GRIN2B: variants seen among roughly 807,000 people sequenced by gnomAD.
GRIN2B encodes the protein glutamate ionotropic receptor NMDA type subunit 2B.
GRIN2B carries 5 observed loss-of-function variants against 114.5 expected under a neutral mutation model. The observed-to-expected ratio is 0.04, with a 90% CI of 0.02 to 0.09. GRIN2B has a LOEUF of 0.09. GRIN2B is among the 10% of genes least tolerant of loss of function. The probability of loss-of-function intolerance (pLI) is 1.00; values close to 1 mark genes in which losing one functional copy is unlikely to be tolerated. For missense variants in GRIN2B, 1,108 were observed against 1,943.5 expected (o/e 0.57, Z 8.08); for synonymous variants, 787 against 745.1 (o/e 1.06, Z -0.92).
intron 9 of GRIN2B, 33 bp downstream of exon 9, chr12:13,611,692 C>T: frequency 6.2e-7 from 1 of 1,608,836 alleles, no homozygotes; most frequent in Non-Finnish European, 8.5e-7. Context: ...GAGAAAAAAA[C>T]TGGGGAAGTG....
intron 3 of GRIN2B, among the ~76,000 whole-genome samples, chr12:13,825,365 T>C (rs922178874): frequency 2.0e-5 from 3 of 151,304 alleles, no homozygotes; most frequent in Non-Finnish European, 4.4e-5. Context: ...TTGGTAAATA[T>C]AACATATAAA....
At chr12:13,633,652 T>G (rs1264183681) in intron 5 of GRIN2B, among the ~76,000 whole-genome samples, 3 of 152,194 alleles carry the variant, frequency 2.0e-5, no homozygotes, top group Non-Finnish European at 4.4e-5. Context: ...ACTAATATAT[T>G]CCTGACTTGA....
At chr12:13,880,270 A>G (rs1866050986) in intron 2 of GRIN2B, among the ~76,000 whole-genome samples, 1 of 152,234 alleles carries the variant, frequency 6.6e-6, no homozygotes, top group Non-Finnish European at 1.5e-5. Context: ...GCCTTAAGTC[A>G]GAAAACAAGT....
intron 10 of GRIN2B, among the ~76,000 whole-genome samples, chr12:13,604,556 C>T (rs1051738761): frequency 1.3e-5 from 2 of 152,176 alleles, no homozygotes; most frequent in Non-Finnish European, 2.9e-5. Flanking sequence ...AATGTTACTT[C>T]CTTGATGAAA....
chr12:13,809,168 G>A (rs73055627), intron 3 of GRIN2B, among the ~76,000 whole-genome samples: 16,984 of 152,080 alleles, frequency 0.11, 1,235 homozygotes, highest in Non-Finnish European at 0.15. Flanking sequence ...AATGTCTTCT[G>A]GAAGCAAAGT....
At chr12:13,710,054 G>A (rs1474547742) in intron 4 of GRIN2B, among the ~76,000 whole-genome samples, 1 of 151,906 alleles carries the variant, frequency 6.6e-6, no homozygotes, top group African/African-American at 2.4e-5. Flanking sequence ...AATAAATTCT[G>A]TTATATTCAT....
At chr12:13,683,753 A>T (rs1453647217) in intron 4 of GRIN2B, 1 of 152,246 alleles carries the variant, frequency 6.6e-6, no homozygotes, top group African/African-American at 2.4e-5. Flanking sequence ...CTGGGCTTCC[A>T]TTCTAGAACC....
chr12:13,878,063 CAAAAAAAAAAA>C (rs71067735), intron 2 of GRIN2B, among the ~76,000 whole-genome samples: 3 of 73,234 alleles, frequency 4.1e-5, no homozygotes, highest in African/African-American at 1.7e-4. Context: ...GACTCTGTCT[CAAAAAAAAAAA>C]AAAAAAAAAA....
At chr12:13,945,818 T>A (rs1867353465) in intron 2 of GRIN2B, among the ~76,000 whole-genome samples, 1 of 152,214 alleles carries the variant, frequency 6.6e-6, no homozygotes, top group South Asian at 2.1e-4. Context: ...TAGAGTCTGA[T>A]GCAGTCATAC....
intron 3 of GRIN2B, among the ~76,000 whole-genome samples, chr12:13,825,562 G>A (rs768580874): frequency 2.1e-5 from 3 of 140,522 alleles, no homozygotes; most frequent in Non-Finnish European, 4.6e-5. Flanking sequence ...TGTAGCCCAG[G>A]CTAGAGTGCA....
At chr12:13,676,727 A>T (rs958219573) in intron 4 of GRIN2B, among the ~76,000 whole-genome samples, 5 of 152,162 alleles carry the variant, frequency 3.3e-5, no homozygotes, top group African/African-American at 1.2e-4. Flanking sequence ...CATACTCTTT[A>T]ACTCTTGCTA....
At chr12:13,653,829 C>A (rs1318702096) in intron 5 of GRIN2B, among the ~76,000 whole-genome samples, 1 of 152,046 alleles carries the variant, frequency 6.6e-6, no homozygotes, top group Non-Finnish European at 1.5e-5. Context: ...ATATCTCTAC[C>A]CATTTTCAGT....
intron 10 of GRIN2B, among the ~76,000 whole-genome samples, chr12:13,582,462 A>G (rs1948865604): frequency 6.6e-6 from 1 of 152,244 alleles, no homozygotes; most frequent in African/African-American, 2.4e-5. Flanking sequence ...GAGTTGGCAT[A>G]TAATAAGCAT....
At position 13,539,474 on chromosome 12, in the gene GRIN2B, A is replaced by C. The variant is rs1159976613; in HGVS notation, c.*23309T>G. The stretch of plus-strand genomic sequence containing the variant: ...TATTATTTAACTTGGATAATTTAGC[A>C]ATCAAGGTATAGAAAGAGAGATCAT... On this transcript the variant is annotated 3_prime_UTR_variant, in exon 14 of 14. Coordinates refer to ENST00000609686, the MANE Select transcript of GRIN2B (RefSeq NM_000834.5). 6.6e-5 allele frequency: 10 copies of C among 152,246 alleles called. No individual in the cohort carries two copies. Among genetic ancestry groups the C allele is most frequent in the Non-Finnish European group, 1.5e-4 (10 of 68,044 alleles). The allele number at this position is 152,246 out of a possible 1,614,324, so 9.4% of individuals were successfully genotyped here.
intron 2 of GRIN2B, among the ~76,000 whole-genome samples, chr12:13,901,968 C>T (rs935970153): frequency 1.3e-5 from 2 of 152,010 alleles, no homozygotes; most frequent in Non-Finnish European, 2.9e-5. Flanking sequence ...TATCTTTTTC[C>T]ACCAATCTGC....
At chr12:13,584,332 A>G (rs1011953733) in intron 10 of GRIN2B, among the ~76,000 whole-genome samples, 19 of 152,326 alleles carry the variant, frequency 1.2e-4, no homozygotes, top group African/African-American at 4.6e-4. Flanking sequence ...ATGTAATATA[A>G]TGGACACAGT....
chr12:13,769,054 T>C (rs60081756), intron 3 of GRIN2B, among the ~76,000 whole-genome samples: 2,420 of 152,108 alleles, frequency 0.016, 69 homozygotes, highest in African/African-American at 0.055. Context: ...TAAAATAAAA[T>C]AAAATAAACA....
chr12:13,579,471 A>G (rs2136424795), intron 10 of GRIN2B, among the ~76,000 whole-genome samples: 1 of 152,334 alleles, frequency 6.6e-6, no homozygotes. Context: ...CACCTACCTC[A>G]TAAAGTTTAA....
intron 2 of GRIN2B, among the ~76,000 whole-genome samples, chr12:13,958,020 C>G (rs1209449168): frequency 6.6e-6 from 1 of 152,162 alleles, no homozygotes; most frequent in Non-Finnish European, 1.5e-5. Context: ...TAGTGGCTAT[C>G]ACATTGGACA....
Sources: allele counts gnomAD v4.1 joint callset (sites outside exome capture counted in the v4.1 genomes callset), GRCh38; gene constraint gnomAD v4.1.1; transcripts MANE v1.5; gene names NCBI Gene and HGNC (gene_info 2026-07-23, HGNC 2026-07-21).